Variants in RNF152 observed in about 807,000 individuals in gnomAD.
The protein encoded by RNF152 is E3 ubiquitin-protein ligase RNF152.
RNF152 carries 11 observed loss-of-function variants against 12.7 expected under a neutral mutation model. The observed-to-expected ratio is 0.86, with a 90% confidence interval of 0.54 to 1.43. The LOEUF (loss-of-function observed/expected upper bound fraction) is 1.43. Among genes scored for constraint, RNF152 ranks in the 40% most tolerant of loss-of-function variants. The probability of loss-of-function intolerance (pLI) is 0.00; values close to 1 mark genes in which losing one functional copy is unlikely to be tolerated. For missense variants in RNF152, 255 were observed against 274.8 expected, an observed-to-expected ratio of 0.93 and a Z score of 0.51; for synonymous variants, 113 against 120.3, an observed-to-expected ratio of 0.94 and a Z score of 0.40.
intron 1 of RNF152, among the ~76,000 whole-genome samples, chr18:61,819,534 A>C (rs967957666): frequency 1.3e-5 from 2 of 152,240 alleles, no homozygotes; most frequent in Admixed American, 1.3e-4. Context: ...GGTTCACAGA[A>C]TTCCAGCAGG....
chr18:61,865,940 T>A (rs764574457), intron 1 of RNF152, among the ~76,000 whole-genome samples: 1 of 152,346 alleles, frequency 6.6e-6, no homozygotes, highest in Admixed American at 6.5e-5. Context: ...ACTAGAGTCA[T>A]CATGTTGTCC....
chr18:61,889,409 T>C (rs527541730), intron 1 of RNF152, among the ~76,000 whole-genome samples: 2 of 152,334 alleles, frequency 1.3e-5, no homozygotes, highest in South Asian at 4.1e-4. Flanking sequence ...GTTATCACAA[T>C]GTGAACAAAG....
intron 1 of RNF152, among the ~76,000 whole-genome samples, chr18:61,872,289 G>C (rs1169194479): frequency 1.3e-5 from 2 of 152,082 alleles, no homozygotes; most frequent in Admixed American, 6.6e-5. Context: ...CAACACTGGG[G>C]GTTACAATTC....
At chr18:61,878,557 T>A (rs1399652393) in intron 1 of RNF152, among the ~76,000 whole-genome samples, 1 of 152,266 alleles carries the variant, frequency 6.6e-6, no homozygotes, top group Non-Finnish European at 1.5e-5. Context: ...TCTGTCTTAG[T>A]CTGTTTGTGC....
intron 1 of RNF152, among the ~76,000 whole-genome samples, chr18:61,860,143 G>T (rs370346839): frequency 6.6e-6 from 1 of 152,208 alleles, no homozygotes; most frequent in East Asian, 1.9e-4. Context: ...GCTGGGGAAG[G>T]GAGGAAGGGT....
chr18:61,826,549 T>C (rs1909677704), intron 1 of RNF152, among the ~76,000 whole-genome samples: 1 of 147,310 alleles, frequency 6.8e-6, no homozygotes, highest in African/African-American at 2.5e-5. Context: ...GCACATGTTG[T>C]ATGCATATAT....
At chr18:61,855,459 GC>G (rs1393540773) in intron 1 of RNF152, among the ~76,000 whole-genome samples, 3 of 152,240 alleles carry the variant, frequency 2.0e-5, no homozygotes, top group Admixed American at 6.5e-5. Flanking sequence ...TCGAGCCAGG[GC>G]TGTGACACCC....
intron 1 of RNF152, among the ~76,000 whole-genome samples, chr18:61,887,701 C>CAAAAAA (rs34170984): frequency 1.9e-5 from 2 of 105,942 alleles, no homozygotes; most frequent in Non-Finnish European, 2.0e-5. Context: ...GACTCCATCT[C>CAAAAAA]AAAAAAAAAA....
intron 1 of RNF152, among the ~76,000 whole-genome samples, chr18:61,828,840 G>T (rs1217031147): frequency 6.6e-6 from 1 of 152,176 alleles, no homozygotes; most frequent in African/African-American, 2.4e-5. Flanking sequence ...TCCTGCTAAG[G>T]CCGGTGGGGA....
chr18:61,883,529 C>T (rs1320908071), intron 1 of RNF152, among the ~76,000 whole-genome samples: 1 of 152,148 alleles, frequency 6.6e-6, no homozygotes, highest in Non-Finnish European at 1.5e-5. Context: ...AATGTTAGAT[C>T]TCTACAAAGC....
At chr18:61,870,328 A>T (rs938064634) in intron 1 of RNF152, among the ~76,000 whole-genome samples, 1 of 152,146 alleles carries the variant, frequency 6.6e-6, no homozygotes, top group Non-Finnish European at 1.5e-5. Context: ...GATTACTGTA[A>T]ACACACACAG....
intron 1 of RNF152, among the ~76,000 whole-genome samples, chr18:61,867,602 A>G (rs889886649): frequency 2.0e-5 from 3 of 152,102 alleles, no homozygotes; most frequent in Non-Finnish European, 2.9e-5. Flanking sequence ...GAGGGAGAGC[A>G]CCCACTATTG....
intron 1 of RNF152, among the ~76,000 whole-genome samples, chr18:61,847,806 T>G (rs181654825): frequency 5.0e-4 from 76 of 152,186 alleles, no homozygotes; most frequent in Non-Finnish European, 9.3e-4. Flanking sequence ...TGGCCTGGCC[T>G]TCACACCTAC....
At chr18:61,852,563 T>C (rs911475805) in intron 1 of RNF152, among the ~76,000 whole-genome samples, 4 of 152,198 alleles carry the variant, frequency 2.6e-5, no homozygotes, top group Non-Finnish European at 4.4e-5. Flanking sequence ...TTGTCAGTCT[T>C]CAAAGAGAAA....
chr18:61,843,942 G>C (rs1232995062), intron 1 of RNF152, among the ~76,000 whole-genome samples: 2 of 150,828 alleles, frequency 1.3e-5, no homozygotes, highest in Non-Finnish European at 2.9e-5. Flanking sequence ...AAAAATGATA[G>C]AAATGCTCAA....
At chr18:61,863,262 A>G (rs1911569606) in intron 1 of RNF152, among the ~76,000 whole-genome samples, 1 of 151,800 alleles carries the variant, frequency 6.6e-6, no homozygotes, top group Non-Finnish European at 1.5e-5. Context: ...GTGAAATCCC[A>G]TCTCTACTAA....
At chr18:61,847,092 C>T (rs1320230077) in intron 1 of RNF152, among the ~76,000 whole-genome samples, 1 of 152,004 alleles carries the variant, frequency 6.6e-6, no homozygotes, top group Non-Finnish European at 1.5e-5. Context: ...CGGTACTCCT[C>T]CCCCATACTT....
chr18:61,829,999 C>T (rs1392635259), intron 1 of RNF152, among the ~76,000 whole-genome samples: 3 of 151,402 alleles, frequency 2.0e-5, no homozygotes, highest in African/African-American at 4.9e-5. Context: ...GTGTAGCCAT[C>T]GTCCCCATCT....
At chr18:61,850,392 G>A (rs1599294682) in intron 1 of RNF152, among the ~76,000 whole-genome samples, 1 of 152,308 alleles carries the variant, frequency 6.6e-6, no homozygotes, top group Admixed American at 6.5e-5. Context: ...TGGTTTTTAA[G>A]TGAAATAGGT....
Sources: allele counts gnomAD v4.1 joint callset (sites outside exome capture counted in the v4.1 genomes callset), GRCh38; gene constraint gnomAD v4.1.1; transcripts MANE v1.5; gene names NCBI Gene and HGNC (gene_info 2026-07-23, HGNC 2026-07-21).